EPHA6: variants seen among roughly 807,000 people sequenced by gnomAD.
The protein encoded by EPHA6 is EPH receptor A6.
Under a neutral mutation model 112.0 loss-of-function variants are expected in EPHA6, and 50 were observed. The ratio of observed to expected loss-of-function variants is 0.45; its 90% CI spans 0.36 to 0.56. EPHA6 has a LOEUF of 0.56. Among genes scored for constraint, EPHA6 ranks in the 20% least tolerant of loss-of-function variants. The pLI, the probability that EPHA6 is intolerant of heterozygous loss-of-function variation, is 0.00. For synonymous variants in EPHA6, 529 were observed against 490.7 expected, an observed-to-expected ratio of 1.08 and a Z score of -1.03; for missense variants, 1,280 against 1,417.4, an observed-to-expected ratio of 0.90 and a Z score of 1.56.
intron 6 of EPHA6, chr3:97,439,563 C>G: frequency 1.0e-6 from 1 of 960,436 alleles, no homozygotes; most frequent in South Asian, 4.9e-5. Context: ...ACAACAGAAC[C>G]CAGCTGCCAC....
rs1394511877 is a variant in EPHA6, at chr3:97,626,102, G to T, written c.2575-11771G>T. ...AAAGTAGCAGATCATGAAAATGCTG[G>T]ACCATGAAGAGCAAGTTCTACTACT... On this transcript the variant is annotated intron_variant, in intron 13 of 17. Transcript: ENST00000389672. 3.3e-5 allele frequency among the ~76,000 whole-genome samples: 5 copies of T among 151,696 alleles called. No individual in the cohort carries two copies. In the East Asian group the frequency reaches 7.8e-4, roughly 24 times the overall value.
At chr3:96,994,653 T>G (rs2043335174) in intron 3 of EPHA6, among the ~76,000 whole-genome samples, 2 of 150,304 alleles carry the variant, frequency 1.3e-5, no homozygotes, top group African/African-American at 4.9e-5. Flanking sequence ...GATATTAGTT[T>G]GTGTTTAAAA....
intron 3 of EPHA6, among the ~76,000 whole-genome samples, chr3:97,212,592 C>T (rs2077906026): frequency 6.6e-6 from 1 of 152,174 alleles, no homozygotes; most frequent in African/African-American, 2.4e-5. Context: ...TGTCACTACC[C>T]TCAGACTACT....
chr3:97,745,161 A>G (rs1223394804), intron 16 of EPHA6, among the ~76,000 whole-genome samples: 1 of 151,988 alleles, frequency 6.6e-6, no homozygotes. Flanking sequence ...AAATGCTACA[A>G]CTTAAAAATC....
At chr3:97,085,197 G>C (rs989675516) in intron 3 of EPHA6, among the ~76,000 whole-genome samples, 1 of 151,936 alleles carries the variant, frequency 6.6e-6, no homozygotes, top group South Asian at 2.1e-4. Flanking sequence ...TTATCAGAAG[G>C]TACCTTATAC....
intron 13 of EPHA6, among the ~76,000 whole-genome samples, chr3:97,624,626 G>T (rs1420796916): frequency 6.6e-6 from 1 of 151,470 alleles, no homozygotes; most frequent in East Asian, 1.9e-4. Context: ...GAGGATTTGT[G>T]TTCATTCTTT....
intron 14 of EPHA6, among the ~76,000 whole-genome samples, chr3:97,679,720 C>A (rs1479037039): frequency 6.6e-6 from 1 of 152,110 alleles, no homozygotes; most frequent in South Asian, 2.1e-4. Context: ...GGATCAGACA[C>A]TTCAATATAC....
intron 14 of EPHA6, among the ~76,000 whole-genome samples, chr3:97,678,124 G>A (rs747204757): frequency 6.6e-6 from 1 of 152,092 alleles, no homozygotes; most frequent in African/African-American, 2.4e-5. Context: ...GTATTGATAG[G>A]TGACTATTAC....
chr3:97,286,824 T>C lies in EPHA6; in HGVS notation c.1606+42537T>C, dbSNP rs74697137. Among the ~76,000 whole-genome samples the C allele has an allele frequency of 2.0e-4, 30 of 152,206 alleles. 1 individual carries two copies. The East Asian group carries it at 5.8e-3, about 29-fold the overall frequency. ...CAATTGAATTGAATTATAGATTGCT[T>C]TCGGTAGTATGGTGATTTTAACAAA... On this transcript the variant is annotated intron_variant, in intron 5 of 17. Coordinates refer to ENST00000389672, the MANE Select transcript of EPHA6 (RefSeq NM_001080448.3).
At chr3:97,094,300 C>T (rs2047169740) in intron 3 of EPHA6, among the ~76,000 whole-genome samples, 1 of 152,030 alleles carries the variant, frequency 6.6e-6, no homozygotes, top group African/African-American at 2.4e-5. Flanking sequence ...TATTAGACCC[C>T]CCTAGCAATA....
At chr3:96,821,588 C>T (rs1390609152) in intron 1 of EPHA6, among the ~76,000 whole-genome samples, 2 of 151,638 alleles carry the variant, frequency 1.3e-5, no homozygotes, top group African/African-American at 2.4e-5. Flanking sequence ...TTTTTTCTCC[C>T]AGAATATATG....
intron 3 of EPHA6, among the ~76,000 whole-genome samples, chr3:97,106,015 A>T (rs537679306): frequency 1.6e-4 from 24 of 151,928 alleles, no homozygotes; most frequent in Non-Finnish European, 2.4e-4. Flanking sequence ...ATTTTCCATG[A>T]TCCCTTTGTT....
At chr3:96,955,240 G>A (rs946555915) in intron 2 of EPHA6, among the ~76,000 whole-genome samples, 2 of 152,030 alleles carry the variant, frequency 1.3e-5, no homozygotes, top group African/African-American at 4.8e-5. Context: ...TGCTGACATG[G>A]TGCCCTCCAA....
chr3:97,498,330 CAA>C (rs1297962805), intron 10 of EPHA6, among the ~76,000 whole-genome samples: 3,759 of 58,424 alleles, frequency 0.064, 172 homozygotes, highest in African/African-American at 0.15. Context: ...AAGAAAATAG[CAA>C]AAAAAAAAAA....
At chr3:97,210,528 C>A (rs2077839845) in intron 3 of EPHA6, among the ~76,000 whole-genome samples, 1 of 152,168 alleles carries the variant, frequency 6.6e-6, no homozygotes, top group Non-Finnish European at 1.5e-5. Flanking sequence ...CAAACCATAT[C>A]ACTCACCAAT....
intron 10 of EPHA6, among the ~76,000 whole-genome samples, chr3:97,484,662 C>T (rs533561581): frequency 3.9e-5 from 6 of 152,202 alleles, no homozygotes; most frequent in African/African-American, 1.4e-4. Context: ...CTCCAGAATA[C>T]AGATTTATTC....
At position 97,259,922 on chromosome 3, in the gene EPHA6, T is replaced by C. The variant is rs557104001; in HGVS notation, c.1606+15635T>C. 2.6e-5 allele frequency among the ~76,000 whole-genome samples: 4 copies of C among 151,762 alleles called. No homozygotes were observed. In the East Asian group the frequency reaches 7.8e-4, roughly 30 times the overall value. ...TTCAAGCGATTCTTCCGCCTCAGCC[T>C]CCTCAGTAGCTGAGATTACAGGCAC... On this transcript the variant is annotated intron_variant, in intron 5 of 17. Coordinates refer to ENST00000389672, the MANE Select transcript of EPHA6 (RefSeq NM_001080448.3).
chr3:97,528,565 G>A (rs946595413), intron 10 of EPHA6, among the ~76,000 whole-genome samples: 7 of 152,028 alleles, frequency 4.6e-5, no homozygotes, highest in Non-Finnish European at 1.0e-4. Context: ...AAAACCATTG[G>A]GACCGTGGCT....
At chr3:96,942,412 G>C (rs1576118343) in intron 2 of EPHA6, among the ~76,000 whole-genome samples, 2 of 151,950 alleles carry the variant, frequency 1.3e-5, no homozygotes, top group East Asian at 3.9e-4. Flanking sequence ...GACCCTCCGA[G>C]CTAGGTGTGG....
Sources: gnomAD v4.1 joint callset for allele counts (sites outside exome capture counted in the v4.1 genomes callset) on GRCh38, gnomAD v4.1.1 for gene constraint, MANE v1.5 for transcripts, NCBI Gene and HGNC (gene_info 2026-07-23, HGNC 2026-07-21) for gene names.